Variants in POU6F2 observed in about 807,000 individuals in gnomAD.
POU6F2 encodes the protein POU class 6 homeobox 2, also known as POU domain, class 6, transcription factor 2.
In POU6F2, 31 loss-of-function variants were observed where a neutral mutation model predicts 71.3. That is an observed-to-expected ratio of 0.43 (90% CI 0.33 to 0.59). The LOEUF (loss-of-function observed/expected upper bound fraction) is 0.59. Among genes scored for constraint, POU6F2 ranks in the 20% least tolerant of loss-of-function variants. The probability of loss-of-function intolerance (pLI) is 0.04; values close to 1 mark genes in which losing one functional copy is unlikely to be tolerated. For synonymous variants in POU6F2, 347 were observed against 355.7 expected (o/e 0.98, Z 0.27); for missense variants, 783 against 856.8 (o/e 0.91, Z 1.07).
chr7:39,387,286 C>G (rs747000489), intron 5 of POU6F2, among the ~76,000 whole-genome samples: 13 of 152,200 alleles, frequency 8.5e-5, no homozygotes, highest in Admixed American at 6.5e-4. Flanking sequence ...TGTTCCAAAT[C>G]CCCACCTACC....
intron 5 of POU6F2, among the ~76,000 whole-genome samples, chr7:39,400,588 G>A (rs1022470278): frequency 2.1e-4 from 32 of 152,150 alleles, no homozygotes; most frequent in African/African-American, 7.7e-4. Context: ...TTCCCATAGG[G>A]TGGGACAACG....
At chr7:38,986,640 C>G (rs1180584755) in intron 1 of POU6F2, among the ~76,000 whole-genome samples, 1 of 152,042 alleles carries the variant, frequency 6.6e-6, no homozygotes, top group Non-Finnish European at 1.5e-5. Flanking sequence ...ATGGTAGACT[C>G]CTATGAGTAT....
intron 1 of POU6F2, among the ~76,000 whole-genome samples, chr7:39,010,326 A>T (rs1196647587): frequency 6.8e-6 from 1 of 148,042 alleles, no homozygotes; most frequent in African/African-American, 2.5e-5. Flanking sequence ...TGTTTGTAGT[A>T]TTCTCTGATG....
chr7:39,053,773 G>A (rs1790448154), intron 1 of POU6F2, among the ~76,000 whole-genome samples: 1 of 151,830 alleles, frequency 6.6e-6, no homozygotes, highest in South Asian at 2.1e-4. Context: ...TGGCCTAAGA[G>A]AAATCAGTAC....
intron 1 of POU6F2, among the ~76,000 whole-genome samples, chr7:39,052,350 G>A (rs1439079013): frequency 6.6e-6 from 1 of 152,104 alleles, no homozygotes; most frequent in Non-Finnish European, 1.5e-5. Flanking sequence ...ATGAGACTGG[G>A]TAATTTATTA....
intron 1 of POU6F2, among the ~76,000 whole-genome samples, chr7:39,012,140 C>T (rs1366270669): frequency 3.3e-4 from 48 of 143,480 alleles, no homozygotes; most frequent in African/African-American, 3.6e-4. Context: ...GTTCCATTCT[C>T]CCCATCACTT....
intron 5 of POU6F2, among the ~76,000 whole-genome samples, chr7:39,399,542 C>T (rs1342682475): frequency 6.6e-6 from 1 of 152,096 alleles, no homozygotes; most frequent in Admixed American, 6.5e-5. Context: ...AATGAGTGAT[C>T]AAATGAAGAG....
chr7:39,291,773 AT>A (rs1784761189), intron 4 of POU6F2, among the ~76,000 whole-genome samples: 4 of 152,098 alleles, frequency 2.6e-5, no homozygotes, highest in African/African-American at 9.6e-5. Flanking sequence ...AGGAGTTGCA[AT>A]TTTTTTTAAA....
At chr7:39,368,668 C>G (rs186138327) in intron 5 of POU6F2, among the ~76,000 whole-genome samples, 5 of 152,336 alleles carry the variant, frequency 3.3e-5, no homozygotes, top group Admixed American at 3.3e-4. Flanking sequence ...CTTCAAAAGA[C>G]AGGCTGACTC....
chr7:39,380,865 A>G (rs1002623878), intron 5 of POU6F2, among the ~76,000 whole-genome samples: 1 of 152,088 alleles, frequency 6.6e-6, no homozygotes, highest in Non-Finnish European at 1.5e-5. Flanking sequence ...TGCACCAGAA[A>G]TTCTACTCGT....
At chr7:39,418,866 AGTC>A (rs1287036395) in intron 6 of POU6F2, among the ~76,000 whole-genome samples, 1 of 149,350 alleles carries the variant, frequency 6.7e-6, no homozygotes, top group Non-Finnish European at 1.5e-5. Flanking sequence ...ACCATATAGT[AGTC>A]ATTTCATAAA....
At chr7:39,396,698 T>A (rs1271855893) in intron 5 of POU6F2, among the ~76,000 whole-genome samples, 1 of 152,052 alleles carries the variant, frequency 6.6e-6, no homozygotes, top group Non-Finnish European at 1.5e-5. Context: ...CCTTAACTGA[T>A]GTTACTCTCC....
At chr7:38,998,932 G>T (rs1788822584) in intron 1 of POU6F2, among the ~76,000 whole-genome samples, 1 of 151,434 alleles carries the variant, frequency 6.6e-6, no homozygotes, top group African/African-American at 2.4e-5. Context: ...ACAAAGTGCT[G>T]GGATTACAGG....
chr7:39,119,769 AT>A (rs1792004453), intron 2 of POU6F2, among the ~76,000 whole-genome samples: 4 of 152,228 alleles, frequency 2.6e-5, no homozygotes, highest in Admixed American at 2.6e-4. Flanking sequence ...AAGAATAGGT[AT>A]TCTCATTTAT....
intron 4 of POU6F2, among the ~76,000 whole-genome samples, chr7:39,263,765 G>T (rs545610421): frequency 6.6e-6 from 1 of 152,114 alleles, no homozygotes; most frequent in East Asian, 1.9e-4. Context: ...TTTTTTTATT[G>T]TCTATTTTCC....
chr7:39,024,099 A>G (rs1384680555), intron 1 of POU6F2, among the ~76,000 whole-genome samples: 3 of 152,130 alleles, frequency 2.0e-5, no homozygotes, highest in Non-Finnish European at 2.9e-5. Context: ...CTTGGGCAGT[A>G]TGGCCATTTC....
chr7:39,340,254 G>C (rs1262374182), intron 5 of POU6F2, among the ~76,000 whole-genome samples: 4 of 152,194 alleles, frequency 2.6e-5, no homozygotes, highest in African/African-American at 9.7e-5. Flanking sequence ...AATGTTATCT[G>C]TTTCCTTCTG....
intron 2 of POU6F2, chr7:39,120,770 A>G (rs1264470916): frequency 6.6e-6 from 1 of 152,222 alleles, no homozygotes; most frequent in Non-Finnish European, 1.5e-5. Flanking sequence ...GTAATTGGAA[A>G]AACACTGCAC....
At chr7:39,211,795 A>G (rs953452241) in intron 4 of POU6F2, among the ~76,000 whole-genome samples, 1 of 152,134 alleles carries the variant, frequency 6.6e-6, no homozygotes, top group African/African-American at 2.4e-5. Flanking sequence ...GGAGGCAGGC[A>G]TCTAATCCCC....
Sources: allele counts gnomAD v4.1 joint callset (sites outside exome capture counted in the v4.1 genomes callset), GRCh38; gene constraint gnomAD v4.1.1; transcripts MANE v1.5; gene names NCBI Gene and HGNC (gene_info 2026-07-23, HGNC 2026-07-21).